The following CDH13 variants were observed in gnomAD, a reference collection of about 807,000 sequenced individuals.
CDH13 encodes the protein cadherin 13.
In CDH13, 24 loss-of-function variants were observed where a neutral mutation model predicts 63.8. That is an observed-to-expected ratio of 0.38 (90% CI 0.27 to 0.53). The LOEUF is 0.53. CDH13 is among the 20% of genes least tolerant of loss of function. The pLI is 0.85. For synonymous variants in CDH13, 503 were observed against 355.3 expected, an observed-to-expected ratio of 1.42 and a Z score of -4.67; for missense variants, 1,049 against 903.1, an observed-to-expected ratio of 1.16 and a Z score of -2.07.
intron 2 of CDH13, among the ~76,000 whole-genome samples, chr16:82,886,432 A>G (rs2040888543): frequency 6.6e-6 from 1 of 152,200 alleles, no homozygotes; most frequent in Non-Finnish European, 1.5e-5. Context: ...CGGTAGACAA[A>G]CATGGGATGT....
chr16:82,988,006 C>T (rs971897894), intron 2 of CDH13, among the ~76,000 whole-genome samples: 2 of 152,202 alleles, frequency 1.3e-5, no homozygotes, highest in Non-Finnish European at 2.9e-5. Flanking sequence ...ACCCTCCCAG[C>T]AGAGCACTCC....
chr16:83,254,902 T>C (rs73593959), intron 5 of CDH13, among the ~76,000 whole-genome samples: 9,541 of 139,682 alleles, frequency 0.068, 988 homozygotes, highest in African/African-American at 0.23. Context: ...CTAAAACTCA[T>C]CTGTCTAAAA....
intron 7 of CDH13, among the ~76,000 whole-genome samples, chr16:83,536,716 A>C (rs764582350): frequency 6.6e-6 from 1 of 152,198 alleles, no homozygotes; most frequent in Non-Finnish European, 1.5e-5. Flanking sequence ...GATAAGAGAA[A>C]TGTCCACTAG....
At chr16:83,261,960 C>G (rs774377524) in intron 5 of CDH13, among the ~76,000 whole-genome samples, 1 of 152,132 alleles carries the variant, frequency 6.6e-6, no homozygotes, top group Non-Finnish European at 1.5e-5. Context: ...CTGTTCCATT[C>G]CGGAGTCACT....
intron 10 of CDH13, among the ~76,000 whole-genome samples, chr16:83,747,010 C>T (rs1194229664): frequency 6.6e-6 from 1 of 152,168 alleles, no homozygotes; most frequent in Non-Finnish European, 1.5e-5. Context: ...TTTCTCAAAA[C>T]TCATTAACTT....
At chr16:83,228,819 AGG>A (rs2039921284) in intron 5 of CDH13, among the ~76,000 whole-genome samples, 1 of 152,168 alleles carries the variant, frequency 6.6e-6, no homozygotes, top group Non-Finnish European at 1.5e-5. Flanking sequence ...GGAGGATTTT[AGG>A]CTGAAAGTGA....
At chr16:83,019,194 C>T (rs1200114978) in intron 2 of CDH13, among the ~76,000 whole-genome samples, 1 of 152,200 alleles carries the variant, frequency 6.6e-6, no homozygotes, top group Non-Finnish European at 1.5e-5. Context: ...CATTGTACAG[C>T]TATAGAAAAT....
At chr16:82,659,206 A>C (rs8053453) in intron 1 of CDH13, among the ~76,000 whole-genome samples, 10,415 of 152,262 alleles carry the variant, frequency 0.068, 871 homozygotes, top group East Asian at 0.24. Context: ...GAACTTCTCT[A>C]TTGGAACCTA....
At chr16:82,907,773 C>T (rs1210988848) in intron 2 of CDH13, among the ~76,000 whole-genome samples, 4 of 152,142 alleles carry the variant, frequency 2.6e-5, no homozygotes, top group Admixed American at 2.6e-4. Flanking sequence ...TCCTGCATAG[C>T]CAGCGCTGTG....
intron 7 of CDH13, among the ~76,000 whole-genome samples, chr16:83,558,119 C>G (rs2075637837): frequency 6.6e-6 from 1 of 152,176 alleles, no homozygotes; most frequent in South Asian, 2.1e-4. Context: ...GCTACACTGA[C>G]AAGAATCCTT....
intron 2 of CDH13, among the ~76,000 whole-genome samples, chr16:82,998,752 T>C (rs1912529410): frequency 1.3e-5 from 2 of 152,106 alleles, no homozygotes; most frequent in East Asian, 3.9e-4. Context: ...CATATACATA[T>C]AAGCAAAAAT....
intron 10 of CDH13, among the ~76,000 whole-genome samples, chr16:83,696,603 C>T (rs994014080): frequency 6.6e-6 from 1 of 152,314 alleles, no homozygotes; most frequent in African/African-American, 2.4e-5. Context: ...AAAGATGCAA[C>T]ATTTTACAGC....
At chr16:83,141,500 TG>T (rs1335516805) in intron 4 of CDH13, among the ~76,000 whole-genome samples, 1 of 152,180 alleles carries the variant, frequency 6.6e-6, no homozygotes, top group African/African-American at 2.4e-5. Context: ...GTTGATTTTT[TG>T]TTTGTTTGTT....
At chr16:82,837,055 A>C (rs2038797676) in intron 1 of CDH13, among the ~76,000 whole-genome samples, 1 of 152,230 alleles carries the variant, frequency 6.6e-6, no homozygotes, top group African/African-American at 2.4e-5. Context: ...TAAAGTCTTA[A>C]AATGGGCAAC....
At chr16:83,539,096 C>G (rs1377769011) in intron 7 of CDH13, among the ~76,000 whole-genome samples, 1 of 152,068 alleles carries the variant, frequency 6.6e-6, no homozygotes, top group East Asian at 1.9e-4. Context: ...ATACTAACAT[C>G]TTGAGAATCT....
At chr16:83,414,861 G>C (rs564881492) in intron 6 of CDH13, among the ~76,000 whole-genome samples, 4 of 152,118 alleles carry the variant, frequency 2.6e-5, no homozygotes, top group Non-Finnish European at 4.4e-5. Context: ...TGTGAATAGT[G>C]CTGCAGTGAA....
intron 2 of CDH13, among the ~76,000 whole-genome samples, chr16:82,912,584 T>C (rs999951879): frequency 6.6e-6 from 1 of 152,212 alleles, no homozygotes; most frequent in Admixed American, 6.5e-5. Context: ...TCTTAGTTGG[T>C]TCTGCTCCAT....
At chr16:82,825,606 C>A (rs2038208137) in intron 1 of CDH13, 1 of 150,160 alleles carries the variant, frequency 6.7e-6, no homozygotes, top group Non-Finnish European at 1.5e-5. Context: ...ACTGCAGTGG[C>A]ACGATCTTGG....
intron 6 of CDH13, among the ~76,000 whole-genome samples, chr16:83,353,416 C>G (rs1292890262): frequency 6.6e-6 from 1 of 152,252 alleles, no homozygotes; most frequent in Non-Finnish European, 1.5e-5. Flanking sequence ...TGATGGGCAC[C>G]ATTGCACATG....
Sources: gnomAD v4.1 joint callset for allele counts (sites outside exome capture counted in the v4.1 genomes callset) on GRCh38, gnomAD v4.1.1 for gene constraint, MANE v1.5 for transcripts, NCBI Gene and HGNC (gene_info 2026-07-23, HGNC 2026-07-21) for gene names.